The following TRAPPC12 variants were observed in gnomAD, a reference collection of about 807,000 sequenced individuals.
TRAPPC12 encodes the protein trafficking protein particle complex subunit 12.
Under a neutral mutation model 69.2 loss-of-function variants are expected in TRAPPC12, and 61 were observed. That is an observed-to-expected ratio of 0.88 (90% CI 0.72 to 1.09). The LOEUF is 1.09. Ranked by LOEUF, TRAPPC12 falls within the 50% of genes least tolerant of loss-of-function variation. The probability of loss-of-function intolerance (pLI) is 0.00; values close to 1 mark genes in which losing one functional copy is unlikely to be tolerated. For missense variants in TRAPPC12, 1,101 were observed against 1,016.4 expected (o/e 1.08, Z -1.13); for synonymous variants, 469 against 438.9 (o/e 1.07, Z -0.86).
At chr2:3,461,419 A>G (rs566200368) in intron 8 of TRAPPC12, among the ~76,000 whole-genome samples, 1 of 152,330 alleles carries the variant, frequency 6.6e-6, no homozygotes, top group Non-Finnish European at 1.5e-5. Context: ...GTCAGGCTGG[A>G]CGCACAAGGA....
Position 3,387,759 on chromosome 2 carries a change from G to A in TRAPPC12, c.136G>A (p.Glu46Lys). 2 of 1,612,432 alleles carry A rather than the reference G, an allele frequency of 1.2e-6. No homozygotes were observed. The highest frequency in any genetic ancestry group is 1.7e-6 in the Non-Finnish European group (2 of 1,179,154). The change falls in exon 2 of 12, where the codon GAA becomes AAA. Residue 46 changes from glutamate to lysine, a missense_variant. By Grantham distance (56) the Glu-to-Lys change is moderately conservative (BLOSUM62 1). Coordinates refer to ENST00000324266, the MANE Select transcript of TRAPPC12 (RefSeq NM_016030.6). ...TCTTGGCGGAGATGAGTTTGGATCC[G>A]AAGAGAACGAGACCGCATCGGAAGG... ...IDLGGDEFGS[E>K]ENETASEGSS...
chr2:3,383,664 G>A (rs141431141), intron 1 of TRAPPC12, among the ~76,000 whole-genome samples: 234 of 151,742 alleles, frequency 1.5e-3, no homozygotes, highest in Non-Finnish European at 2.5e-3. Context: ...CCCGGCCTCC[G>A]AAAGTGCTGG....
chr2:3,419,642 C>CAG (rs1553316459), intron 3 of TRAPPC12, among the ~76,000 whole-genome samples: 13 of 111,320 alleles, frequency 1.2e-4, no homozygotes, highest in African/African-American at 3.5e-4. Flanking sequence ...TCCTCATTTC[C>CAG]AAAAAAAAAA....
At chr2:3,408,156 G>T (rs958056727) in intron 3 of TRAPPC12, among the ~76,000 whole-genome samples, 6 of 152,196 alleles carry the variant, frequency 3.9e-5, no homozygotes, top group Non-Finnish European at 8.8e-5. Flanking sequence ...AAACACGTGT[G>T]CTTGACATGT....
At chr2:3,431,479 A>C (rs759987910) in intron 5 of TRAPPC12, among the ~76,000 whole-genome samples, 4 of 152,238 alleles carry the variant, frequency 2.6e-5, no homozygotes, top group African/African-American at 9.6e-5. Flanking sequence ...TAACTTCATA[A>C]TAACTATTTA....
intron 3 of TRAPPC12, among the ~76,000 whole-genome samples, chr2:3,403,769 C>G (rs1661582191): frequency 6.6e-6 from 1 of 152,178 alleles, no homozygotes; most frequent in Non-Finnish European, 1.5e-5. Context: ...CACTTACTTG[C>G]AAGAAGACTA....
chr2:3,469,201 C>A (rs1016232991), intron 9 of TRAPPC12, among the ~76,000 whole-genome samples: 1 of 152,176 alleles, frequency 6.6e-6, no homozygotes, highest in African/African-American at 2.4e-5. Context: ...CCCTGAAGCA[C>A]CTCATCAGTA....
chr2:3,457,716 AC>A (rs1210740968), intron 7 of TRAPPC12, 23 bp downstream of exon 7: 5 of 1,607,310 alleles, frequency 3.1e-6, no homozygotes, highest in Non-Finnish European at 4.2e-6. Flanking sequence ...GACTTTGCTG[AC>A]TAGATGCTTC....
intron 3 of TRAPPC12, among the ~76,000 whole-genome samples, chr2:3,420,579 A>G (rs6548161): frequency 0.64 from 97,040 of 151,982 alleles, 31,496 homozygotes; most frequent in African/African-American, 0.76. Flanking sequence ...ACATGTCAGA[A>G]CCCCGGAAGA....
intron 5 of TRAPPC12, 72 bp from the exon 6 acceptor site, chr2:3,443,707 T>C: frequency 8.3e-7 from 1 of 1,210,400 alleles, no homozygotes; most frequent in Non-Finnish European, 1.2e-6. Flanking sequence ...CGACGCCTCC[T>C]TCAAGTGTGC....
At chr2:3,399,375 C>T (rs1353782067) in intron 2 of TRAPPC12, among the ~76,000 whole-genome samples, 1 of 152,302 alleles carries the variant, frequency 6.6e-6, no homozygotes, top group East Asian at 1.9e-4. Flanking sequence ...TTATGGGGCC[C>T]TGTGTCTGAA....
At chr2:3,427,386 T>G (rs7579868) in intron 5 of TRAPPC12, among the ~76,000 whole-genome samples, 105,246 of 152,048 alleles carry the variant, frequency 0.69, 37,632 homozygotes, top group African/African-American at 0.89. Flanking sequence ...AAAACTCAGG[T>G]CATTGAGCAC....
chr2:3,387,894 G>T lies in TRAPPC12; in HGVS notation c.271G>T (p.Glu91Ter). ...DAGDLGRVRDEAEPGGEGDPG... is the reference protein window; with the variant it reads ...DAGDLGRVRD ...GGGCGACCTGGGCCGAGTGCGGGACGAAGCTGAGCCCGGAGGGGAAGGCGA... is the reference window on the plus strand; with the variant it reads ...GGGCGACCTGGGCCGAGTGCGGGACTAAGCTGAGCCCGGAGGGGAAGGCGA... Residue 91 changes from glutamate (E) to a stop codon, truncating the protein, a stop_gained, in exon 2 of 12, where the codon GAA (glutamate) becomes TAA (stop). Coordinates refer to ENST00000324266, the MANE Select transcript of TRAPPC12 (RefSeq NM_016030.6). LOFTEE classifies it high-confidence loss of function. The T allele has an allele frequency of 1.3e-6, 2 of 1,567,314 alleles. No individual in the cohort carries two copies. Among genetic ancestry groups the T allele is most frequent in the Non-Finnish European group, 1.7e-6 (2 of 1,154,816 alleles).
In TRAPPC12 at chr2:3,412,451, C is replaced by G. The variant is rs548781450; in HGVS notation, c.1165-9430C>G. On this transcript the variant is annotated intron_variant, in intron 3 of 11. Transcript: ENST00000324266. ...GTGGTGGGCGCCTGTAATCCCAGTA[C>G]TCAGGAGGCTGAGGCGGGCGAATTG... Among the ~76,000 whole-genome samples, 4 of 152,256 alleles carry G rather than the reference C, an allele frequency of 2.6e-5. No individual in the cohort carries two copies. The South Asian group carries it at 8.3e-4, about 32-fold the overall frequency.
intron 5 of TRAPPC12, among the ~76,000 whole-genome samples, chr2:3,434,284 C>A (rs1663627542): frequency 6.6e-6 from 1 of 152,340 alleles, no homozygotes; most frequent in African/African-American, 2.4e-5. Context: ...CTGGAGCTCA[C>A]AGATGGTTTC....
chr2:3,464,369 G>GT (rs113578330), intron 8 of TRAPPC12, among the ~76,000 whole-genome samples: 5,565 of 151,956 alleles, frequency 0.037, 352 homozygotes, highest in African/African-American at 0.12. Context: ...GTCGTTTTGG[G>GT]TTTTTTTTGT....
In TRAPPC12 at chr2:3,478,928, G is replaced by A. The variant is rs769302726; in HGVS notation, c.1960G>A (p.Ala654Thr). Residue 654 changes from alanine to threonine, a missense_variant, in exon 11 of 12, where the codon GCA becomes ACA. Physicochemically the swap from Ala to Thr is moderately conservative, Grantham distance 58 (BLOSUM62 0). Coordinates refer to ENST00000324266, the MANE Select transcript of TRAPPC12 (RefSeq NM_016030.6). ...TEILRMDPRN[A>T]VANNNAAVCL... ...GATCTTAAGGATGGATCCAAGAAACGCAGTGGTAAGATCCCCAAGCTGCAG... is the reference window on the plus strand; with the variant it reads ...GATCTTAAGGATGGATCCAAGAAACACAGTGGTAAGATCCCCAAGCTGCAG... 2.5e-5 allele frequency: 40 copies of A among 1,613,822 alleles called. No homozygotes were observed. Among genetic ancestry groups the A allele is most frequent in the Admixed American group, 1.3e-4 (8 of 60,006 alleles).
At chr2:3,426,202 G>A (rs894811330) in intron 5 of TRAPPC12, among the ~76,000 whole-genome samples, 1 of 151,902 alleles carries the variant, frequency 6.6e-6, no homozygotes, top group Non-Finnish European at 1.5e-5. Context: ...GCCCCTTGTG[G>A]AAAAGAAAAA....
At chr2:3,462,957 C>A (rs1417333361) in intron 8 of TRAPPC12, 1 of 471,140 alleles carries the variant, frequency 2.1e-6, no homozygotes, top group Admixed American at 2.3e-5. Context: ...AATTAGACTG[C>A]AGAAGTCCTT....
Sources: gnomAD v4.1 joint callset for allele counts (sites outside exome capture counted in the v4.1 genomes callset) on GRCh38, gnomAD v4.1.1 for gene constraint, MANE v1.5 for transcripts, NCBI Gene and HGNC (gene_info 2026-07-23, HGNC 2026-07-21) for gene names.